GNG7: variants seen among roughly 807,000 people sequenced by gnomAD.
GNG7 encodes guanine nucleotide-binding protein G(I)/G(S)/G(O) subunit gamma-7.
Under a neutral mutation model 4.0 loss-of-function variants are expected in GNG7, and 1 was observed. That is an observed-to-expected ratio of 0.25 (90% CI 0.09 to 1.18). GNG7 has a LOEUF of 1.18. GNG7 is among the 50% of genes most tolerant of loss of function. The pLI is 0.50. For missense variants in GNG7, 86 were observed against 91.9 expected, an observed-to-expected ratio of 0.94 and a Z score of 0.26; for synonymous variants, 34 against 36.9, an observed-to-expected ratio of 0.92 and a Z score of 0.29.
intron 2 of GNG7, among the ~76,000 whole-genome samples, chr19:2,573,483 C>T (rs570865123): frequency 1.3e-5 from 2 of 152,240 alleles, no homozygotes; most frequent in East Asian, 1.9e-4. Flanking sequence ...GCGTGGCTTC[C>T]GACAAGCTGC....
rs368489660 is a variant in GNG7 at position 2,577,839 on chromosome 19, T to G, written c.-77-22651A>C. Among the ~76,000 whole-genome samples, 8 of 141,786 alleles carry G rather than the reference T, an allele frequency of 5.6e-5. No individual in the cohort carries two copies. The South Asian group carries it at 1.5e-3, about 26-fold the overall frequency. 93.0% of individuals were successfully genotyped at this position (141,786 alleles called of 152,430 possible). ...CCCTATATAAAATGTTATGGTGTTATTTTCCTTTTTTTTTTTTTTTGAGAT... is the reference window on the plus strand; with the variant it reads ...CCCTATATAAAATGTTATGGTGTTAGTTTCCTTTTTTTTTTTTTTTGAGAT... On this transcript the variant is annotated intron_variant, in intron 2 of 4. Transcript: ENST00000382159.
chr19:2,686,647 C>T (rs7259187), intron 1 of GNG7, among the ~76,000 whole-genome samples: 2 of 151,932 alleles, frequency 1.3e-5, no homozygotes, highest in Non-Finnish European at 2.9e-5. Context: ...CAGTGTTTGC[C>T]GCCAAGATGG....
rs143017743 is a variant in GNG7, at chr19:2,638,824, T to G, written c.-78+7400A>C. Among the ~76,000 whole-genome samples the G allele has an allele frequency of 1.9e-3, 291 of 152,230 alleles. 6 individuals carry two copies. The East Asian group carries it at 0.039, about 21-fold the overall frequency. On this transcript the variant is annotated intron_variant, in intron 2 of 4. Transcript: ENST00000382159. ...CCCACTAGCATAGTTAAATTTCAAGTAGTTCAGAATTTAAGTGTAAAACAT... is the reference window on the plus strand; with the variant it reads ...CCCACTAGCATAGTTAAATTTCAAGGAGTTCAGAATTTAAGTGTAAAACAT...
chr19:2,553,308 G>T (rs1441882963), intron 3 of GNG7, among the ~76,000 whole-genome samples: 1 of 150,248 alleles, frequency 6.7e-6, no homozygotes, highest in Non-Finnish European at 1.5e-5. Flanking sequence ...AGAAAAACGC[G>T]AATGAAACAG....
chr19:2,682,057 G>A lies in GNG7; in HGVS notation c.-135+20589C>T, dbSNP rs772862421. ...CCCAAGTAGCTGGGATTACAGGCGC[G>A]CGCCACCACGCCCGGCTAATTTTGT... is the stretch of plus-strand genomic sequence containing the variant. On this transcript the variant is annotated intron_variant, in intron 1 of 4. Coordinates refer to ENST00000382159, the MANE Select transcript of GNG7 (RefSeq NM_052847.3). Among the ~76,000 whole-genome samples, 23 of 151,892 alleles carry A rather than the reference G, an allele frequency of 1.5e-4. 1 individual carries two copies. The highest frequency in any genetic ancestry group is 3.9e-4 in the Admixed American group (6 of 15,254).
intron 3 of GNG7, among the ~76,000 whole-genome samples, chr19:2,526,571 A>G (rs1978403380): frequency 6.7e-6 from 1 of 148,666 alleles, no homozygotes; most frequent in Non-Finnish European, 1.5e-5. Context: ...TTGAAGATTC[A>G]TTCACTATAT....
intron 2 of GNG7, among the ~76,000 whole-genome samples, chr19:2,607,897 C>A (rs969110965): frequency 6.6e-6 from 1 of 152,082 alleles, no homozygotes; most frequent in Admixed American, 6.6e-5. Context: ...GACAGCAATA[C>A]GTTCAGGCGA....
chr19:2,598,248 C>T (rs1364510122), intron 2 of GNG7, among the ~76,000 whole-genome samples: 3 of 152,248 alleles, frequency 2.0e-5, no homozygotes, highest in South Asian at 2.1e-4. Flanking sequence ...GGCGGCCGGG[C>T]GCGGTGGCTC....
chr19:2,563,872 C>T (rs1305828575), intron 2 of GNG7, among the ~76,000 whole-genome samples: 1 of 152,098 alleles, frequency 6.6e-6, no homozygotes, highest in Non-Finnish European at 1.5e-5. Flanking sequence ...AACCTTCGCA[C>T]CCAAACTTCC....
chr19:2,668,522 G>A (rs1983368868), intron 1 of GNG7, among the ~76,000 whole-genome samples: 1 of 152,184 alleles, frequency 6.6e-6, no homozygotes. Flanking sequence ...CAGGGAGATG[G>A]AGGGGCTGCT....
At chr19:2,585,062 A>AGGAAGGAGGGAG (rs1555695885) in intron 2 of GNG7, among the ~76,000 whole-genome samples, 2 of 79,926 alleles carry the variant, frequency 2.5e-5, no homozygotes, top group African/African-American at 1.3e-4. Flanking sequence ...GAAGGAAGGA[A>AGGAAGGAGGGAG]GGAGGGAGGG....
At chr19:2,564,919 G>A (rs918445016) in intron 2 of GNG7, among the ~76,000 whole-genome samples, 2 of 152,060 alleles carry the variant, frequency 1.3e-5, no homozygotes, top group East Asian at 1.9e-4. Context: ...GGCCAGATGC[G>A]GTGGCTCATG....
At position 2,577,314 on chromosome 19, in the gene GNG7, G is replaced by T. The variant is rs1056754819; in HGVS notation, c.-77-22126C>A. On this transcript the variant is annotated intron_variant, in intron 2 of 4. Transcript: ENST00000382159. ...CTCATCCAAGGCTCGCCCGGGGAAGGCTCTTCATCCAGCATTCCCTCAGGC... is the reference window on the plus strand; with the variant it reads ...CTCATCCAAGGCTCGCCCGGGGAAGTCTCTTCATCCAGCATTCCCTCAGGC... 9.9e-5 allele frequency among the ~76,000 whole-genome samples: 15 copies of T among 152,164 alleles called. 1 individual carries two copies. Among genetic ancestry groups the T allele is most frequent in the African/African-American group, 3.6e-4 (15 of 41,440 alleles).
At chr19:2,582,154 A>G (rs1488285856) in intron 2 of GNG7, among the ~76,000 whole-genome samples, 3 of 152,216 alleles carry the variant, frequency 2.0e-5, no homozygotes, top group Non-Finnish European at 2.9e-5. Context: ...ACACAAAAGC[A>G]CGTGGAAATG....
At chr19:2,552,071 A>G (rs1979350644) in intron 3 of GNG7, among the ~76,000 whole-genome samples, 1 of 152,158 alleles carries the variant, frequency 6.6e-6, no homozygotes, top group African/African-American at 2.4e-5. Context: ...TCAGATTCTC[A>G]TAGAAGCGTG....
chr19:2,597,828 A>G (rs1483643980), intron 2 of GNG7, among the ~76,000 whole-genome samples: 2 of 142,840 alleles, frequency 1.4e-5, no homozygotes, highest in Admixed American at 7.1e-5. Context: ...CCCAGGAGGC[A>G]GAGCTTGCAG....
chr19:2,589,958 T>C (rs1329116056), intron 2 of GNG7, among the ~76,000 whole-genome samples: 1 of 152,274 alleles, frequency 6.6e-6, no homozygotes, highest in Non-Finnish European at 1.5e-5. Context: ...ATTACAGACA[T>C]GCACTGCCGT....
At chr19:2,619,960 G>A (rs536688096) in intron 2 of GNG7, among the ~76,000 whole-genome samples, 4 of 151,454 alleles carry the variant, frequency 2.6e-5, no homozygotes, top group Non-Finnish European at 4.4e-5. Context: ...TTGGGAGGAC[G>A]AGGGGGGGGC....
intron 2 of GNG7, among the ~76,000 whole-genome samples, chr19:2,561,031 C>A (rs529179148): frequency 1.3e-5 from 2 of 152,198 alleles, no homozygotes; most frequent in South Asian, 4.1e-4. Flanking sequence ...AGAATAAGCT[C>A]CCGATGGGGC....
Sources: gnomAD v4.1 joint callset for allele counts (sites outside exome capture counted in the v4.1 genomes callset) on GRCh38, gnomAD v4.1.1 for gene constraint, MANE v1.5 for transcripts, NCBI Gene and HGNC (gene_info 2026-07-23, HGNC 2026-07-21) for gene names.